Variants in NXPH2 observed in about 807,000 individuals in gnomAD.
NXPH2 encodes the protein neurexophilin 2.
A neutral mutation model predicts 19.8 loss-of-function variants in NXPH2; 5 were observed. The ratio of observed to expected loss-of-function variants is 0.25; its 90% CI spans 0.13 to 0.53. The LOEUF (loss-of-function observed/expected upper bound fraction) is 0.53. Ranked by LOEUF, NXPH2 falls within the 20% of genes least tolerant of loss-of-function variation. NXPH2 has a pLI of 0.96. For missense variants in NXPH2, 289 were observed against 322.8 expected (o/e 0.90, Z 0.80); for synonymous variants, 154 against 127.4 (o/e 1.21, Z -1.41).
At chr2:138,776,486 G>T (rs1682264373) in intron 1 of NXPH2, among the ~76,000 whole-genome samples, 1 of 151,984 alleles carries the variant, frequency 6.6e-6, no homozygotes, top group South Asian at 2.1e-4. Flanking sequence ...GGAGGTGGGT[G>T]ACTGGAACCA....
chr2:138,747,243 A>T (rs541664561), intron 1 of NXPH2, among the ~76,000 whole-genome samples: 1 of 152,324 alleles, frequency 6.6e-6, no homozygotes, highest in East Asian at 1.9e-4. Flanking sequence ...GAGATCAAGC[A>T]GGGAAAGAAA....
intron 1 of NXPH2, among the ~76,000 whole-genome samples, chr2:138,771,178 C>T (rs182786645): frequency 5.9e-5 from 9 of 151,952 alleles, no homozygotes; most frequent in African/African-American, 1.9e-4. Flanking sequence ...GAATTCAAAA[C>T]AATTTAAATA....
chr2:138,775,079 T>C (rs1682240487), intron 1 of NXPH2, among the ~76,000 whole-genome samples: 1 of 152,212 alleles, frequency 6.6e-6, no homozygotes, highest in African/African-American at 2.4e-5. Flanking sequence ...GTATACGTGC[T>C]ACTGAAGTGA....
At chr2:138,679,975 C>G (rs34693630) in intron 1 of NXPH2, among the ~76,000 whole-genome samples, 1 of 151,688 alleles carries the variant, frequency 6.6e-6, no homozygotes, top group Admixed American at 6.6e-5. Context: ...AGAAAAAGAT[C>G]TGTCACTGCG....
At chr2:138,717,561 T>G (rs2104991622) in intron 1 of NXPH2, among the ~76,000 whole-genome samples, 3 of 152,014 alleles carry the variant, frequency 2.0e-5, no homozygotes, top group Admixed American at 2.0e-4. Flanking sequence ...TAAACCCTTT[T>G]GTGATGGATC....
chr2:138,702,033 C>T (rs1573959433), intron 1 of NXPH2, among the ~76,000 whole-genome samples: 1 of 152,144 alleles, frequency 6.6e-6, no homozygotes, highest in East Asian at 1.9e-4. Flanking sequence ...ACACAGAGGC[C>T]ACTTTATCAT....
In NXPH2 at chr2:138,764,646, T is replaced by C. The variant is rs572009319; in HGVS notation, c.51+15545A>G. Reference sequence around the variant, plus strand: ...TGATATAAATCATATATAATAGGACTATCTATCTATCTATCTATGATGGTC... The same window carrying C: ...TGATATAAATCATATATAATAGGACCATCTATCTATCTATCTATGATGGTC... On this transcript the variant is annotated intron_variant, in intron 1 of 1. Transcript: ENST00000272641. Among the ~76,000 whole-genome samples, 21 of 152,254 alleles carry C rather than the reference T, an allele frequency of 1.4e-4. No homozygotes were observed. In the South Asian group the frequency reaches 4.4e-3, roughly 32 times the overall value.
intron 1 of NXPH2, among the ~76,000 whole-genome samples, chr2:138,695,365 T>C (rs1680815270): frequency 6.6e-6 from 1 of 152,192 alleles, no homozygotes; most frequent in Non-Finnish European, 1.5e-5. Flanking sequence ...CAAGAAAGTT[T>C]AGCATTTCTA....
intron 1 of NXPH2, among the ~76,000 whole-genome samples, chr2:138,695,754 T>C (rs1680820277): frequency 6.6e-6 from 1 of 152,016 alleles, no homozygotes; most frequent in Non-Finnish European, 1.5e-5. Flanking sequence ...GATGTAAAAA[T>C]CAAAATGGGA....
chr2:138,749,884 T>G (rs1224304014), intron 1 of NXPH2, among the ~76,000 whole-genome samples: 1 of 152,070 alleles, frequency 6.6e-6, no homozygotes, highest in Non-Finnish European at 1.5e-5. Flanking sequence ...TAAAACAGAG[T>G]GTGTCGCTTA....
intron 1 of NXPH2, among the ~76,000 whole-genome samples, chr2:138,749,562 A>G (rs1681794337): frequency 6.6e-6 from 1 of 152,176 alleles, no homozygotes; most frequent in Non-Finnish European, 1.5e-5. Context: ...TACACGTTCA[A>G]GAATTAAGAG....
intron 1 of NXPH2, among the ~76,000 whole-genome samples, chr2:138,777,732 T>C (rs1220321785): frequency 1.3e-5 from 2 of 150,510 alleles, no homozygotes; most frequent in Non-Finnish European, 2.9e-5. Context: ...AAATATTTAA[T>C]ATTTTTTATA....
chr2:138,701,749 A>G (rs1050698065), intron 1 of NXPH2, among the ~76,000 whole-genome samples: 3 of 152,172 alleles, frequency 2.0e-5, no homozygotes, highest in Admixed American at 2.0e-4. Flanking sequence ...TCTTTCCTTT[A>G]AAGAGCTCAA....
chr2:138,761,931 A>T (rs1489588138), intron 1 of NXPH2, among the ~76,000 whole-genome samples: 3 of 152,214 alleles, frequency 2.0e-5, no homozygotes, highest in Non-Finnish European at 4.4e-5. Context: ...GTATAGAGTC[A>T]CAAAGGCAGA....
At chr2:138,745,423 A>T (rs1681709285) in intron 1 of NXPH2, among the ~76,000 whole-genome samples, 1 of 139,996 alleles carries the variant, frequency 7.1e-6, no homozygotes, top group Non-Finnish European at 1.5e-5. Context: ...AAGCAAGCTA[A>T]TTGTGTACTG....
rs532405184 is a variant in NXPH2 at position 138,754,000 on chromosome 2, T to G, written c.51+26191A>C. 9.9e-5 allele frequency among the ~76,000 whole-genome samples: 15 copies of G among 152,232 alleles called. No homozygotes were observed. In the East Asian group the frequency reaches 2.7e-3, roughly 27 times the overall value. On this transcript the variant is annotated intron_variant, in intron 1 of 1. Transcript: ENST00000272641. ...CTTCAGTGAGGTTATTTCAATTTTT[T>G]TTGTTGTTTGTTTTTTGAGGTGGGA...
intron 1 of NXPH2, among the ~76,000 whole-genome samples, chr2:138,695,542 C>T (rs1203380561): frequency 6.6e-6 from 1 of 151,990 alleles, no homozygotes; most frequent in Non-Finnish European, 1.5e-5. Context: ...TATTTTGATT[C>T]AAAAACTCCA....
chr2:138,701,793 A>T (rs1289040739), intron 1 of NXPH2, among the ~76,000 whole-genome samples: 1 of 152,196 alleles, frequency 6.6e-6, no homozygotes, highest in African/African-American at 2.4e-5. Context: ...AGTGTCATCC[A>T]TATGTTACAG....
intron 1 of NXPH2, among the ~76,000 whole-genome samples, chr2:138,673,709 C>G (rs1459190649): frequency 4.0e-5 from 6 of 151,366 alleles, no homozygotes; most frequent in Admixed American, 2.0e-4. Context: ...AGCTGCTGGC[C>G]TCAAGTGATC....
Sources: allele counts gnomAD v4.1 joint callset (sites outside exome capture counted in the v4.1 genomes callset), GRCh38; gene constraint gnomAD v4.1.1; transcripts MANE v1.5; gene names NCBI Gene and HGNC (gene_info 2026-07-23, HGNC 2026-07-21).